Variants in FANCM observed in about 807,000 individuals in gnomAD.
FANCM encodes the protein Fanconi anemia group M protein.
FANCM carries 140 observed loss-of-function variants against 199.5 expected under a neutral mutation model. The observed-to-expected ratio is 0.70, with a 90% CI of 0.61 to 0.81. The LOEUF (loss-of-function observed/expected upper bound fraction) is 0.81, where lower values mean the gene tolerates loss of function less well. FANCM is among the 30% of genes least tolerant of loss of function. The pLI is 0.00. For synonymous variants in FANCM, 840 were observed against 836.8 expected (o/e 1.00, Z -0.07); for missense variants, 2,410 against 2,421.4 (o/e 1.00, Z 0.10).
chr14:45,172,635 T>G (rs1170113905), intron 12 of FANCM, among the ~76,000 whole-genome samples: 1 of 152,218 alleles, frequency 6.6e-6, no homozygotes, highest in Non-Finnish European at 1.5e-5. Flanking sequence ...GAAATTATAT[T>G]TAAAACTTTA....
chr14:45,164,030 TG>T, intron 9 of FANCM, among the ~76,000 whole-genome samples: 1 of 152,280 alleles, frequency 6.6e-6, no homozygotes, highest in East Asian at 1.9e-4. Context: ...CTTGCAGCCT[TG>T]AACTCCTGGG....
chr14:45,141,449 T>C (rs989720212), intron 3 of FANCM, among the ~76,000 whole-genome samples: 22 of 151,244 alleles, frequency 1.5e-4, no homozygotes, highest in Non-Finnish European at 2.5e-4. Context: ...TAGCTTTTTT[T>C]CAGTGGTTGC....
chr14:45,172,644 T>C (rs950546119), intron 12 of FANCM, among the ~76,000 whole-genome samples: 9 of 152,226 alleles, frequency 5.9e-5, no homozygotes, highest in Non-Finnish European at 1.5e-5. Flanking sequence ...TTTAAAACTT[T>C]AAATTTGATG....
chr14:45,136,810 A>G (rs1254016084), intron 1 of FANCM, among the ~76,000 whole-genome samples: 2 of 152,210 alleles, frequency 1.3e-5, no homozygotes, highest in Non-Finnish European at 2.9e-5. Flanking sequence ...AAGATTTCTC[A>G]GTTGAAGAAT....
chr14:45,185,159 A>G (rs1889315984), intron 17 of FANCM, 58 bp from the exon 18 acceptor site: 3 of 1,142,532 alleles, frequency 2.6e-6, no homozygotes, highest in East Asian at 2.4e-5. Flanking sequence ...ATTTCCAATC[A>G]TGAAAGAAAA....
intron 3 of FANCM, among the ~76,000 whole-genome samples, chr14:45,145,700 G>A (rs993717085): frequency 5.9e-5 from 9 of 152,128 alleles, no homozygotes; most frequent in Non-Finnish European, 7.3e-5. Flanking sequence ...CAAGGCAGGC[G>A]GATCAGGAGG....
rs764151493 is a variant in FANCM at position 45,164,542 on chromosome 14, C to T, written c.1765C>T (p.Leu589Phe). The T allele has an allele frequency of 4.3e-6, 7 of 1,612,972 alleles. No homozygotes were observed. The highest frequency in any genetic ancestry group is 5.9e-6 in the Non-Finnish European group (7 of 1,179,740). ...RKRQGRIVII[L>F]SEGREERIYN... ...ACGTCAAGGCAGGATAGTTATTATC[C>T]TTTCTGAAGGACGAGAGGAACGTGT... Residue 589 changes from leucine (L) to phenylalanine (F), a missense_variant, in exon 10 of 23, where the codon CTT becomes TTT. Leu to Phe is a conservative substitution (Grantham distance 22, BLOSUM62 0). Transcript: ENST00000267430.
intron 10 of FANCM, 44 bp downstream of exon 10, chr14:45,164,609 GA>G (rs766945866): frequency 7.2e-7 from 1 of 1,398,228 alleles, no homozygotes; most frequent in East Asian, 2.4e-5. Flanking sequence ...TGAAATTTGA[GA>G]AATACAGCCC....
In FANCM at chr14:45,167,090, A is replaced by T. The variant is rs940738932; in HGVS notation, c.1929A>T (p.Thr643=). The T allele has an allele frequency of 6.2e-7, 1 of 1,613,482 alleles. No homozygotes were observed. The change falls in exon 11 of 23, where the codon ACA becomes ACT. Residue 643 remains threonine (T), a synonymous_variant. Coordinates refer to ENST00000267430, the MANE Select transcript of FANCM (RefSeq NM_020937.4). The part of the protein sequence containing the change: ...INPKLHKMFI[T]HGVYEPEKPS... ...CAAAATTACACAAAATGTTCATCAC[A>T]CATGGTGTCTATGAACCAGAGAAGC...
rs1366974537 is a variant in FANCM, at chr14:45,155,352, G to T, written c.1310-21G>T. ...ATGGAAAAAAACAGAAAAAAATTTTGATATTTTTGTTTTGTTCCAGGAGAT... is the reference window on the plus strand; with the variant it reads ...ATGGAAAAAAACAGAAAAAAATTTTTATATTTTTGTTTTGTTCCAGGAGAT... On this transcript the variant is annotated intron_variant, in intron 7 of 22. Transcript: ENST00000267430. The T allele has an allele frequency of 6.6e-6, 7 of 1,063,860 alleles. No homozygotes were observed. The South Asian group carries it at 7.8e-5, about 12-fold the overall frequency. The allele number at this position is 1,063,860 out of a possible 1,614,324, so 65.9% of individuals were successfully genotyped here.
At chr14:45,196,655 C>T in intron 21 of FANCM, 108 bp downstream of exon 21, 1 of 1,041,862 alleles carries the variant, frequency 9.6e-7, no homozygotes. Context: ...AATATAAACA[C>T]CTGACTGGTG....
At chr14:45,148,773 T>C (rs539753558) in intron 3 of FANCM, 64 bp from the exon 4 acceptor site, 1 of 1,073,222 alleles carries the variant, frequency 9.3e-7, no homozygotes, top group South Asian at 1.4e-5. Flanking sequence ...TTATTTCTGT[T>C]AGTGACTTAA....
At chr14:45,140,944 C>A (rs1885876928) in intron 3 of FANCM, among the ~76,000 whole-genome samples, 1 of 152,024 alleles carries the variant, frequency 6.6e-6, no homozygotes, top group African/African-American at 2.4e-5. Context: ...GAGGCTGAGT[C>A]AGGAAGATTG....
chr14:45,137,139 C>T lies in FANCM; in HGVS notation c.579C>T (p.Val193=). ...GAGTGCTTTTTCTTACACCTCAGGT[C>T]ATGGTAAATGACCTTTCTAGAGGAG... ...SKRVLFLTPQ[V]MVNDLSRGAC... The change falls in exon 2 of 23, where the codon GTC becomes GTT. Residue 193 remains valine (V), a synonymous_variant. Transcript: ENST00000267430. 1 of 1,613,288 alleles carries T rather than the reference C, an allele frequency of 6.2e-7. No individual in the cohort carries two copies. Among genetic ancestry groups the T allele is most frequent in the South Asian group, 1.1e-5 (1 of 91,050 alleles).
chr14:45,166,082 C>G (rs1887948639), intron 10 of FANCM, among the ~76,000 whole-genome samples: 1 of 151,694 alleles, frequency 6.6e-6, no homozygotes, highest in Admixed American at 6.6e-5. Flanking sequence ...TGCAGTATAA[C>G]TGCTAAGGTG....
chr14:45,192,038 AT>A (rs1277043866), intron 20 of FANCM, among the ~76,000 whole-genome samples: 1 of 151,888 alleles, frequency 6.6e-6, no homozygotes, highest in Non-Finnish European at 1.5e-5. Context: ...TTTATTATTC[AT>A]TTTTAAAAAT....
chr14:45,193,492 T>C (rs1258334987), intron 20 of FANCM, among the ~76,000 whole-genome samples: 1 of 152,242 alleles, frequency 6.6e-6, no homozygotes, highest in African/African-American at 2.4e-5. Flanking sequence ...TTTCTTTATG[T>C]TTCCTTGTAA....
intron 9 of FANCM, among the ~76,000 whole-genome samples, chr14:45,163,235 A>T (rs1484428775): frequency 1.3e-5 from 2 of 152,226 alleles, no homozygotes; most frequent in African/African-American, 4.8e-5. Context: ...AGATTTTCAG[A>T]TTGTTTAATA....
intron 20 of FANCM, among the ~76,000 whole-genome samples, chr14:45,195,785 C>T (rs894626801): frequency 6.6e-6 from 1 of 152,072 alleles, no homozygotes; most frequent in Admixed American, 6.5e-5. Context: ...TATTATTTTT[C>T]AAAAATATCT....
Sources: gnomAD v4.1 joint callset for allele counts (sites outside exome capture counted in the v4.1 genomes callset) on GRCh38, gnomAD v4.1.1 for gene constraint, MANE v1.5 for transcripts, NCBI Gene and HGNC (gene_info 2026-07-23, HGNC 2026-07-21) for gene names.